LRMDA: variants seen among roughly 807,000 people sequenced by gnomAD.
LRMDA encodes the protein leucine rich melanocyte differentiation associated.
LRMDA carries 18 observed loss-of-function variants against 29.8 expected under a neutral mutation model. That is an observed-to-expected ratio of 0.60 (90% confidence interval 0.42 to 0.90). The LOEUF (loss-of-function observed/expected upper bound fraction) is 0.90. Ranked by LOEUF, LRMDA falls within the 40% of genes least tolerant of loss-of-function variation. The pLI is 0.00. For missense variants in LRMDA, 273 were observed against 273.9 expected, an observed-to-expected ratio of 1.00 and a Z score of 0.02; for synonymous variants, 125 against 109.4, an observed-to-expected ratio of 1.14 and a Z score of -0.89.
At chr10:75,710,772 A>G (rs34195726) in intron 2 of LRMDA, among the ~76,000 whole-genome samples, 3,340 of 152,326 alleles carry the variant, frequency 0.022, 66 homozygotes, top group Non-Finnish European at 0.031. Context: ...CATGCTCCCA[A>G]TTCTCCTCTT....
intron 2 of LRMDA, among the ~76,000 whole-genome samples, chr10:75,446,607 A>T (rs781186512): frequency 6.6e-6 from 1 of 152,244 alleles, no homozygotes; most frequent in Non-Finnish European, 1.5e-5. Context: ...GAATGAGTAT[A>T]ACCCTTTGCT....
At chr10:76,460,649 C>G (rs1387935949) in intron 6 of LRMDA, among the ~76,000 whole-genome samples, 2 of 152,200 alleles carry the variant, frequency 1.3e-5, no homozygotes, top group African/African-American at 4.8e-5. Context: ...GTGCCCAGCC[C>G]AGGGTGGTCA....
intron 5 of LRMDA, among the ~76,000 whole-genome samples, chr10:76,097,718 T>C (rs945871252): frequency 2.6e-5 from 4 of 152,218 alleles, no homozygotes; most frequent in South Asian, 2.1e-4. Flanking sequence ...GTGAATTTCA[T>C]TGATTGATTT....
chr10:76,454,625 ACCCCG>A (rs1406697374), intron 6 of LRMDA, among the ~76,000 whole-genome samples: 1 of 67,274 alleles, frequency 1.5e-5, no homozygotes, highest in African/African-American at 5.6e-5. Flanking sequence ...GCCACCCCCC[ACCCCG>A]CCCGACTTTG....
At chr10:76,466,205 C>G (rs1284595016) in intron 6 of LRMDA, among the ~76,000 whole-genome samples, 1 of 152,142 alleles carries the variant, frequency 6.6e-6, no homozygotes, top group Non-Finnish European at 1.5e-5. Context: ...GAGAACTTAG[C>G]AGCTTGGAGA....
At chr10:76,012,814 C>A (rs1847807916) in intron 2 of LRMDA, among the ~76,000 whole-genome samples, 2 of 152,196 alleles carry the variant, frequency 1.3e-5, no homozygotes, top group South Asian at 4.1e-4. Context: ...AGCTGAGGCG[C>A]TTCTTTCGGG....
At chr10:75,975,305 C>T (rs1387154633) in intron 2 of LRMDA, among the ~76,000 whole-genome samples, 1 of 152,200 alleles carries the variant, frequency 6.6e-6, no homozygotes, top group African/African-American at 2.4e-5. Flanking sequence ...CCCAGGACTT[C>T]CTGATTTTTT....
chr10:75,858,254 C>T (rs761107334), intron 2 of LRMDA, among the ~76,000 whole-genome samples: 19 of 152,194 alleles, frequency 1.2e-4, no homozygotes, highest in Non-Finnish European at 1.3e-4. Context: ...GTATGCAGCT[C>T]ATGCTAGGCC....
At chr10:75,949,868 C>T (rs1846543286) in intron 2 of LRMDA, among the ~76,000 whole-genome samples, 1 of 152,112 alleles carries the variant, frequency 6.6e-6, no homozygotes, top group East Asian at 1.9e-4. Flanking sequence ...CATTTTGCCC[C>T]AAGATGTTGC....
chr10:75,581,521 A>T (rs1840591130), intron 2 of LRMDA, among the ~76,000 whole-genome samples: 1 of 152,156 alleles, frequency 6.6e-6, no homozygotes, highest in South Asian at 2.1e-4. Flanking sequence ...TTCCTTAAGG[A>T]TCTAGAACCA....
chr10:75,590,782 G>C (rs1840714220), intron 2 of LRMDA, among the ~76,000 whole-genome samples: 1 of 94,918 alleles, frequency 1.1e-5, no homozygotes, highest in Non-Finnish European at 2.0e-5. Flanking sequence ...ATGGAATCTT[G>C]CTGTCACCCA....
chr10:75,772,124 A>G (rs927445761), intron 2 of LRMDA, among the ~76,000 whole-genome samples: 11 of 152,236 alleles, frequency 7.2e-5, no homozygotes. Context: ...CAGAAAAGCA[A>G]TTCAACTATT....
intron 2 of LRMDA, among the ~76,000 whole-genome samples, chr10:75,934,792 C>T (rs1353359646): frequency 2.0e-5 from 3 of 152,168 alleles, no homozygotes; most frequent in African/African-American, 7.2e-5. Flanking sequence ...TACCTGGAGG[C>T]AGTGTGAATG....
intron 5 of LRMDA, among the ~76,000 whole-genome samples, chr10:76,199,227 T>C (rs1851385004): frequency 1.3e-5 from 2 of 152,218 alleles, no homozygotes; most frequent in Non-Finnish European, 2.9e-5. Flanking sequence ...GGTCCTGTTT[T>C]TACCAGGTCA....
chr10:75,651,273 G>A (rs763498730), intron 2 of LRMDA, among the ~76,000 whole-genome samples: 1 of 152,120 alleles, frequency 6.6e-6, no homozygotes, highest in Non-Finnish European at 1.5e-5. Flanking sequence ...CATGAGTCCC[G>A]AAACCTGGGC....
intron 2 of LRMDA, among the ~76,000 whole-genome samples, chr10:75,747,791 G>A (rs970929739): frequency 1.3e-5 from 2 of 152,158 alleles, no homozygotes; most frequent in African/African-American, 4.8e-5. Flanking sequence ...GGCTGAGTGT[G>A]TAGATGGTAG....
intron 2 of LRMDA, among the ~76,000 whole-genome samples, chr10:75,595,441 T>C (rs1840774198): frequency 6.6e-6 from 1 of 151,934 alleles, no homozygotes; most frequent in African/African-American, 2.4e-5. Flanking sequence ...AAATCTTAAA[T>C]TAGCCATCTA....
intron 5 of LRMDA, among the ~76,000 whole-genome samples, chr10:76,231,894 AG>A (rs1852065765): frequency 1.3e-5 from 2 of 152,170 alleles, no homozygotes; most frequent in African/African-American, 2.4e-5. Context: ...AAACCACAGG[AG>A]GGAAATTAAG....
intron 2 of LRMDA, among the ~76,000 whole-genome samples, chr10:75,462,289 G>C (rs1468774358): frequency 6.6e-6 from 1 of 152,240 alleles, no homozygotes; most frequent in Non-Finnish European, 1.5e-5. Flanking sequence ...TAAGTCTCGT[G>C]TGTCAACAAT....
Sources: allele counts gnomAD v4.1 joint callset (sites outside exome capture counted in the v4.1 genomes callset), GRCh38; gene constraint gnomAD v4.1.1; transcripts MANE v1.5; gene names NCBI Gene and HGNC (gene_info 2026-07-23, HGNC 2026-07-21).